Variants in SRGAP1 observed in about 807,000 individuals in gnomAD.
SRGAP1 encodes the protein SLIT-ROBO Rho GTPase activating protein 1.
In SRGAP1, 43 loss-of-function variants were observed where a neutral mutation model predicts 121.9. That is an observed-to-expected ratio of 0.35 (90% CI 0.28 to 0.46). The LOEUF is 0.46. Ranked by LOEUF, SRGAP1 falls within the 20% of genes least tolerant of loss-of-function variation. The pLI, the probability that SRGAP1 is intolerant of heterozygous loss-of-function variation, is 1.00. For synonymous variants in SRGAP1, 447 were observed against 485.4 expected (o/e 0.92, Z 1.04); for missense variants, 1,102 against 1,350.9 (o/e 0.82, Z 2.89).
intron 8 of SRGAP1, among the ~76,000 whole-genome samples, chr12:64,071,014 C>T (rs1343264086): frequency 6.6e-6 from 1 of 152,102 alleles, no homozygotes; most frequent in African/African-American, 2.4e-5. Context: ...TTCATTTTTA[C>T]TGATTTAAGT....
intron 2 of SRGAP1, 133 bp downstream of exon 2, chr12:63,984,275 C>A (rs1375732466): frequency 4.7e-6 from 2 of 426,180 alleles, no homozygotes; most frequent in African/African-American, 4.1e-5. Flanking sequence ...ATAAAAGCAG[C>A]CCTCTACATT....
At chr12:63,930,077 C>T (rs1350023769) in intron 1 of SRGAP1, among the ~76,000 whole-genome samples, 5 of 152,234 alleles carry the variant, frequency 3.3e-5, no homozygotes, top group Non-Finnish European at 5.9e-5. Flanking sequence ...GAAATAGGAA[C>T]GCCTTTACAC....
chr12:64,126,048 A>T lies in SRGAP1; in HGVS notation c.2296A>T (p.Lys766Ter). ...GTCTGCCAGAGAACTATCCTTCAAG[A>T]AGGGTGCCTCCCTGCTGCTGTATCA... Reference protein sequence around the residue: ...GRSARELSFKKGASLLLYHRA... With the variant: ...GRSARELSFK The change falls in exon 19 of 22, where the codon AAG becomes TAG. Residue 766 changes from lysine (K) to a stop codon, truncating the protein, a stop_gained. Transcript: ENST00000355086. LOFTEE classifies it high-confidence loss of function. 3 of 1,614,168 alleles carry T rather than the reference A, an allele frequency of 1.9e-6. No individual in the cohort carries two copies. The highest frequency in any genetic ancestry group is 2.5e-6 in the Non-Finnish European group (3 of 1,180,018).
chr12:63,883,684 A>T (rs1345334078), intron 1 of SRGAP1, among the ~76,000 whole-genome samples: 2 of 141,880 alleles, frequency 1.4e-5, no homozygotes, highest in Non-Finnish European at 3.0e-5. Context: ...TTTGAGGCGG[A>T]TTCTCGCTCT....
chr12:63,950,098 A>G (rs1170033095), intron 1 of SRGAP1, among the ~76,000 whole-genome samples: 1 of 152,210 alleles, frequency 6.6e-6, no homozygotes, highest in African/African-American at 2.4e-5. Flanking sequence ...GGCAATAGGA[A>G]CTTGGCTCTC....
intron 6 of SRGAP1, among the ~76,000 whole-genome samples, chr12:64,050,838 C>T (rs2035224341): frequency 6.6e-6 from 1 of 152,204 alleles, no homozygotes. Context: ...AGTTCTGCCT[C>T]ATCCTCCCAA....
chr12:63,941,580 T>A (rs959690431), intron 1 of SRGAP1, among the ~76,000 whole-genome samples: 5 of 152,004 alleles, frequency 3.3e-5, no homozygotes, highest in African/African-American at 1.2e-4. Flanking sequence ...AGCTGTCTCT[T>A]AACAGTAAAA....
chr12:63,995,642 A>G (rs989168075), intron 3 of SRGAP1, among the ~76,000 whole-genome samples: 5 of 152,168 alleles, frequency 3.3e-5, no homozygotes, highest in Admixed American at 3.3e-4. Context: ...CATCCAAGTT[A>G]TAGGGAGGGA....
At chr12:64,050,846 C>T (rs1301391126) in intron 6 of SRGAP1, among the ~76,000 whole-genome samples, 1 of 152,160 alleles carries the variant, frequency 6.6e-6, no homozygotes, top group East Asian at 1.9e-4. Flanking sequence ...CTCATCCTCC[C>T]AAGTAGCTGG....
intron 1 of SRGAP1, among the ~76,000 whole-genome samples, chr12:63,948,875 A>G (rs1021834783): frequency 2.2e-4 from 27 of 120,578 alleles, no homozygotes; most frequent in African/African-American, 6.3e-4. Flanking sequence ...TTCCATATAT[A>G]TATTTTCCAT....
chr12:64,086,945 C>T lies in SRGAP1; in HGVS notation c.1409-54C>T, dbSNP rs368035169. The T allele has an allele frequency of 1.7e-5, 24 of 1,378,680 alleles. 2 individuals carry two copies. The Middle Eastern group carries it at 9.0e-4, about 52-fold the overall frequency. 85.4% of individuals were successfully genotyped at this position (1,378,680 alleles called of 1,614,324 possible). On this transcript the variant is annotated intron_variant, in intron 10 of 21. Coordinates refer to ENST00000355086, the MANE Select transcript of SRGAP1 (RefSeq NM_020762.4). ...GGATAGGAGATACAAAAGAGTACCA[C>T]ATACACTCTGCTGATTCCTTTCAGT...
At position 63,844,898 on chromosome 12, in the gene SRGAP1, G is replaced by T. The variant is rs200438685; in HGVS notation, c.67+15G>T. 1.2e-4 allele frequency: 196 copies of T among 1,612,910 alleles called. No homozygotes were observed. The African/African-American group carries it at 2.4e-3, about 20-fold the overall frequency. Reference sequence around the variant, plus strand: ...TCAAGTCAAAGGTAAGGATGGGAGCGGCTGCCTTGCTCCTTTTGTGTGCCT... The same window carrying T: ...TCAAGTCAAAGGTAAGGATGGGAGCTGCTGCCTTGCTCCTTTTGTGTGCCT... On this transcript the variant is annotated intron_variant, in intron 1 of 21. Coordinates refer to ENST00000355086, the MANE Select transcript of SRGAP1 (RefSeq NM_020762.4). The surrounding 1 kb of genome is among the most constrained non-coding windows in gnomAD (Gnocchi z 4.3).
intron 18 of SRGAP1, chr12:64,120,538 A>G (rs187669998): frequency 2.6e-5 from 4 of 152,296 alleles, no homozygotes; most frequent in African/African-American, 7.2e-5. Flanking sequence ...GTTACAATCT[A>G]TGGAGAGGTA....
intron 10 of SRGAP1, among the ~76,000 whole-genome samples, chr12:64,086,228 A>G (rs964889772): frequency 6.6e-6 from 1 of 152,226 alleles, no homozygotes; most frequent in Non-Finnish European, 1.5e-5. Context: ...GAATGGTTCA[A>G]TGTTTCCCAC....
chr12:64,002,949 T>C (rs2033946956), intron 3 of SRGAP1, among the ~76,000 whole-genome samples: 2 of 150,838 alleles, frequency 1.3e-5, no homozygotes, highest in Admixed American at 1.3e-4. Context: ...AAACAATTGA[T>C]AAACATCAAA....
intron 4 of SRGAP1, among the ~76,000 whole-genome samples, chr12:64,023,204 C>CA (rs11312893): frequency 0.017 from 1,329 of 76,752 alleles, 11 homozygotes; most frequent in African/African-American, 0.029. Flanking sequence ...ACTTTTGTAC[C>CA]AAAAAAAAAA....
chr12:64,094,748 T>C (rs185676352), intron 12 of SRGAP1, among the ~76,000 whole-genome samples, 184 bp from the exon 13 acceptor site: 1 of 152,306 alleles, frequency 6.6e-6, no homozygotes, highest in Admixed American at 6.5e-5. Flanking sequence ...AGAGATGAAT[T>C]AGGTTTTGAC....
rs1467006321 is a variant in SRGAP1 at position 64,149,297 on chromosome 12, G to A, written c.*6625G>A. On this transcript the variant is annotated 3_prime_UTR_variant, in exon 22 of 22. Transcript: ENST00000355086. The stretch of plus-strand genomic sequence containing the variant: ...CTTTCTTTCCAAAAAAGCACTGTCT[G>A]ATATGGAGACTGGAAATATTCATAG... The A allele has an allele frequency of 2.0e-5, 3 of 152,180 alleles. No homozygotes were observed. Among genetic ancestry groups the A allele is most frequent in the Non-Finnish European group, 4.4e-5 (3 of 68,048 alleles). The allele number at this position is 152,180 out of a possible 1,614,324, so 9.4% of individuals were successfully genotyped here. A position where few individuals can be genotyped will look rare whatever the true frequency, so the allele number is the denominator to read the frequency against.
rs2037201704 is a variant in SRGAP1 at position 64,160,558 on chromosome 12, A to AGAT, written c.*17887_*17889dup. On this transcript the variant is annotated 3_prime_UTR_variant, in exon 22 of 22. Coordinates refer to ENST00000355086, the MANE Select transcript of SRGAP1 (RefSeq NM_020762.4). ...AGGCAAATATATCTCATATGTCGGAAGATTAATGTATGAATAATCAGTACC... is the reference window on the plus strand; with the variant it reads ...AGGCAAATATATCTCATATGTCGGAAGATGATTAATGTATGAATAATCAGTACC... 1 of 152,214 alleles carries AGAT rather than the reference A, an allele frequency of 6.6e-6. No homozygotes were observed. Among genetic ancestry groups the AGAT allele is most frequent in the African/African-American group, 2.4e-5 (1 of 41,448 alleles). 9.4% of individuals were successfully genotyped at this position (152,214 alleles called of 1,614,324 possible). A position where few individuals can be genotyped will look rare whatever the true frequency, so the allele number is the denominator to read the frequency against.
Sources: allele counts gnomAD v4.1 joint callset (sites outside exome capture counted in the v4.1 genomes callset), GRCh38; gene constraint gnomAD v4.1.1; non-coding constraint Gnocchi (gnomAD v3.1); transcripts MANE v1.5; gene names NCBI Gene and HGNC (gene_info 2026-07-23, HGNC 2026-07-21).